The following SVOPL variants were observed in gnomAD, a reference collection of about 807,000 sequenced individuals.
The protein encoded by SVOPL is SVOP like.
Under a neutral mutation model 61.0 loss-of-function variants are expected in SVOPL, and 60 were observed. The ratio of observed to expected loss-of-function variants is 0.98; its 90% confidence interval spans 0.80 to 1.22. The LOEUF (loss-of-function observed/expected upper bound fraction) is 1.22. Ranked by LOEUF, SVOPL falls within the 50% of genes most tolerant of loss-of-function variation. The pLI, the probability that SVOPL is intolerant of heterozygous loss-of-function variation, is 0.00. For missense variants in SVOPL, 662 were observed against 643.9 expected (o/e 1.03, Z -0.30); for synonymous variants, 279 against 250.0 (o/e 1.12, Z -1.09).
chr7:138,680,053 G>C (rs1228880973), intron 1 of SVOPL, among the ~76,000 whole-genome samples: 1 of 152,068 alleles, frequency 6.6e-6, no homozygotes, highest in East Asian at 1.9e-4. Context: ...ATTTAACCAA[G>C]AGCATCCTCT....
chr7:138,639,582 T>C (rs927664800), intron 9 of SVOPL, among the ~76,000 whole-genome samples: 3 of 147,752 alleles, frequency 2.0e-5, no homozygotes, highest in African/African-American at 5.0e-5. Flanking sequence ...ACTGTGCCTC[T>C]GCACTACAGC....
chr7:138,669,351 T>C (rs770414334), intron 4 of SVOPL, among the ~76,000 whole-genome samples: 12 of 151,912 alleles, frequency 7.9e-5, no homozygotes, highest in Non-Finnish European at 1.8e-4. Flanking sequence ...AAAGCTGCGG[T>C]GAGCTATGAT....
intron 15 of SVOPL, among the ~76,000 whole-genome samples, chr7:138,595,820 A>G (rs951372050): frequency 1.3e-5 from 2 of 152,226 alleles, no homozygotes; most frequent in African/African-American, 4.8e-5. Flanking sequence ...AAAGCCCTGC[A>G]TTCACAATTA....
chr7:138,682,954 G>A (rs543572846), intron 1 of SVOPL, among the ~76,000 whole-genome samples: 1 of 94,850 alleles, frequency 1.1e-5, no homozygotes, highest in South Asian at 3.2e-4. Context: ...GGCGACAAGA[G>A]CAAAACTCCA....
At chr7:138,660,421 A>G in intron 5 of SVOPL, 1 of 986,674 alleles carries the variant, frequency 1.0e-6, no homozygotes, top group African/African-American at 1.7e-5. Flanking sequence ...AAGAAAATTA[A>G]GAAATTGAAA....
At chr7:138,603,372 T>C (rs1487626125) in intron 14 of SVOPL, among the ~76,000 whole-genome samples, 1 of 151,994 alleles carries the variant, frequency 6.6e-6, no homozygotes, top group Admixed American at 6.6e-5. Flanking sequence ...CTGAATAGGG[T>C]GTGGATGTAT....
At chr7:138,608,827 C>T (rs1334403040) in intron 14 of SVOPL, among the ~76,000 whole-genome samples, 2 of 152,012 alleles carry the variant, frequency 1.3e-5, no homozygotes, top group Non-Finnish European at 2.9e-5. Context: ...CTATGAACCC[C>T]GCACAGAAAA....
intron 14 of SVOPL, among the ~76,000 whole-genome samples, chr7:138,602,157 T>C (rs1213124161): frequency 6.6e-6 from 1 of 152,064 alleles, no homozygotes; most frequent in African/African-American, 2.4e-5. Context: ...CAGTGATCCA[T>C]GATCACTCCT....
In SVOPL at chr7:138,649,096, G is replaced by GGCCAAGCCAATGATGA. The variant is rs1801291167; in HGVS notation, c.560_575dup (p.Ser193HisfsTer37). 2 of 1,613,830 alleles carry GGCCAAGCCAATGATGA rather than the reference G, an allele frequency of 1.2e-6. No homozygotes were observed. Among genetic ancestry groups the GGCCAAGCCAATGATGA allele is most frequent in the Non-Finnish European group, 1.7e-6 (2 of 1,179,978 alleles). The stretch of plus-strand genomic sequence containing the variant: ...ACCCGATGGTGGGGATGATCACAGA[G>GGCCAAGCCAATGATGA]GCCAAGCCAATGATGAGCAGGGAGC... On this transcript the variant is annotated frameshift_variant, in exon 8 of 16. Coordinates refer to ENST00000674285, the MANE Select transcript of SVOPL (RefSeq NM_001139456.2). LOFTEE classifies it high-confidence loss of function.
chr7:138,687,228 CTTTTTTTTTTTTTT>C (rs71179722), intron 1 of SVOPL, among the ~76,000 whole-genome samples: 6 of 77,026 alleles, frequency 7.8e-5, no homozygotes, highest in African/African-American at 1.1e-4. Flanking sequence ...CTTTTTTCCT[CTTTTTTTTTTTTTT>C]TTTTTTTTTT....
intron 9 of SVOPL, among the ~76,000 whole-genome samples, chr7:138,641,335 T>A (rs1464285992): frequency 6.6e-6 from 1 of 150,406 alleles, no homozygotes; most frequent in East Asian, 1.9e-4. Context: ...GTAATAAGAC[T>A]AATGCATGGA....
intron 9 of SVOPL, among the ~76,000 whole-genome samples, chr7:138,631,983 C>T (rs1480442444): frequency 6.6e-6 from 1 of 151,472 alleles, no homozygotes; most frequent in Non-Finnish European, 1.5e-5. Flanking sequence ...CACACACACA[C>T]ATACACACAC....
Position 138,697,903 on chromosome 7 carries a change from C to T in SVOPL, c.-35+3275G>A, listed in dbSNP as rs199928861. Among the ~76,000 whole-genome samples, 4 of 151,198 alleles carry T rather than the reference C, an allele frequency of 2.6e-5. No homozygotes were observed. In the East Asian group the frequency reaches 5.9e-4, roughly 22 times the overall value. On this transcript the variant is annotated intron_variant, in intron 1 of 15. Transcript: ENST00000674285. The stretch of plus-strand genomic sequence containing the variant: ...TAGGAACAAACAATTCACAAGAGGA[C>T]ATGTAAATTATAATTTTGAAATCTT...
chr7:138,671,839 C>T (rs4421309), intron 4 of SVOPL, among the ~76,000 whole-genome samples, 180 bp downstream of exon 4: 1 of 152,232 alleles, frequency 6.6e-6, no homozygotes, highest in Non-Finnish European at 1.5e-5. Context: ...AGCAGTTCAA[C>T]ATTAGGCATG....
intron 9 of SVOPL, among the ~76,000 whole-genome samples, chr7:138,641,970 G>A (rs1800826425): frequency 6.7e-6 from 1 of 150,150 alleles, no homozygotes; most frequent in South Asian, 2.1e-4. Flanking sequence ...TACTCAAGGA[G>A]AACACAGATT....
At chr7:138,646,330 A>AT (rs1487188694) in intron 8 of SVOPL, 1 of 180,196 alleles carries the variant, frequency 5.5e-6, no homozygotes, top group Admixed American at 5.4e-5. Flanking sequence ...AACAGCGCCC[A>AT]TCCCCTTGAT....
At chr7:138,677,866 G>A (rs1005476333) in intron 3 of SVOPL, among the ~76,000 whole-genome samples, 2 of 150,832 alleles carry the variant, frequency 1.3e-5, no homozygotes, top group South Asian at 4.2e-4. Context: ...GGGTTCAAGC[G>A]ATTCTCCTGC....
chr7:138,620,919 AC>A, intron 14 of SVOPL, 126 bp downstream of exon 14: 2 of 841,080 alleles, frequency 2.4e-6, no homozygotes. Flanking sequence ...CAGCAGGGAA[AC>A]GGCACCTCCA....
At position 138,697,183 on chromosome 7, in the gene SVOPL, C is replaced by A. The variant is rs537524857; in HGVS notation, c.-35+3995G>T. ...GTCAGGAATTTGAGACCAGCCTAGGCAACAGAGTGAGACCCCCATCTCTAC... is the reference window on the plus strand; with the variant it reads ...GTCAGGAATTTGAGACCAGCCTAGGAAACAGAGTGAGACCCCCATCTCTAC... On this transcript the variant is annotated intron_variant, in intron 1 of 15. Coordinates refer to ENST00000674285, the MANE Select transcript of SVOPL (RefSeq NM_001139456.2). Among the ~76,000 whole-genome samples the A allele has an allele frequency of 6.6e-5, 10 of 152,196 alleles. No individual in the cohort carries two copies. In the South Asian group the frequency reaches 1.2e-3, roughly 19 times the overall value.
Sources: gnomAD v4.1 joint callset for allele counts (sites outside exome capture counted in the v4.1 genomes callset) on GRCh38, gnomAD v4.1.1 for gene constraint, MANE v1.5 for transcripts, NCBI Gene and HGNC (gene_info 2026-07-23, HGNC 2026-07-21) for gene names.